CDH18: variants seen among roughly 807,000 people sequenced by gnomAD.
CDH18 encodes cadherin-18.
A neutral mutation model predicts 67.9 loss-of-function variants in CDH18; 31 were observed. The ratio of observed to expected loss-of-function variants is 0.46; its 90% confidence interval spans 0.34 to 0.62. The LOEUF (loss-of-function observed/expected upper bound fraction) is 0.62, where lower values mean the gene tolerates loss of function less well. CDH18 is among the 20% of genes least tolerant of loss of function. The probability of loss-of-function intolerance (pLI) is 0.01; values close to 1 mark genes in which losing one functional copy is unlikely to be tolerated. For synonymous variants in CDH18, 362 were observed against 347.2 expected, an observed-to-expected ratio of 1.04 and a Z score of -0.48; for missense variants, 890 against 975.5, an observed-to-expected ratio of 0.91 and a Z score of 1.17.
chr5:20,355,697 G>A (rs1231105008), intron 1 of CDH18, among the ~76,000 whole-genome samples: 1 of 152,116 alleles, frequency 6.6e-6, no homozygotes, highest in Non-Finnish European at 1.5e-5. Context: ...ATATATTAAG[G>A]TAAGGTAAAA....
chr5:20,534,808 GTTAGT>G (rs1308236515), intron 1 of CDH18, among the ~76,000 whole-genome samples: 1 of 147,668 alleles, frequency 6.8e-6, no homozygotes, highest in Non-Finnish European at 1.5e-5. Flanking sequence ...TCTGAACTCT[GTTAGT>G]TTATTCTAAA....
intron 11 of CDH18, among the ~76,000 whole-genome samples, chr5:19,483,915 C>T (rs1739927639): frequency 6.6e-6 from 1 of 152,182 alleles, no homozygotes; most frequent in Non-Finnish European, 1.5e-5. Flanking sequence ...GAGATTTTCT[C>T]CAAACCTAGA....
chr5:20,360,396 TC>T (rs1475374759), intron 1 of CDH18, among the ~76,000 whole-genome samples: 1 of 152,156 alleles, frequency 6.6e-6, no homozygotes, highest in East Asian at 1.9e-4. Flanking sequence ...TAACTGGGAA[TC>T]CTGCCCTAAG....
intron 2 of CDH18, among the ~76,000 whole-genome samples, chr5:19,855,305 G>A (rs1020479630): frequency 6.6e-5 from 10 of 151,962 alleles, no homozygotes; most frequent in Admixed American, 6.6e-5. Flanking sequence ...AGACTGCAAG[G>A]CCCATCTAGT....
At chr5:19,812,401 A>G (rs186454322) in intron 3 of CDH18, among the ~76,000 whole-genome samples, 1 of 152,306 alleles carries the variant, frequency 6.6e-6, no homozygotes, top group Non-Finnish European at 1.5e-5. Flanking sequence ...TGTAGAACGT[A>G]GAAAACAAAA....
intron 1 of CDH18, among the ~76,000 whole-genome samples, chr5:20,551,114 G>C (rs1358547210): frequency 6.6e-6 from 1 of 152,048 alleles, no homozygotes; most frequent in African/African-American, 2.4e-5. Flanking sequence ...ATAAATAGAT[G>C]AACGAAGGAA....
chr5:19,995,309 C>T (rs1180534418), intron 2 of CDH18, among the ~76,000 whole-genome samples: 1 of 152,042 alleles, frequency 6.6e-6, no homozygotes, highest in African/African-American at 2.4e-5. Flanking sequence ...AGAAAACTAT[C>T]AGGCATATAG....
At chr5:20,053,270 G>T (rs962414912) in intron 2 of CDH18, among the ~76,000 whole-genome samples, 4 of 150,486 alleles carry the variant, frequency 2.7e-5, no homozygotes, top group African/African-American at 9.8e-5. Context: ...TATACATATA[G>T]TATAGATATA....
At chr5:19,541,703 T>C (rs144151007) in intron 9 of CDH18, among the ~76,000 whole-genome samples, 6,987 of 152,218 alleles carry the variant, frequency 0.046, 191 homozygotes, top group East Asian at 0.06. Context: ...ACTTATTCAC[T>C]ATCATGAGAA....
intron 1 of CDH18, among the ~76,000 whole-genome samples, chr5:20,503,687 T>C (rs1234410088): frequency 6.6e-6 from 1 of 152,156 alleles, no homozygotes; most frequent in Non-Finnish European, 1.5e-5. Flanking sequence ...TTACCTTTCA[T>C]ATGGAAAAGA....
intron 1 of CDH18, among the ~76,000 whole-genome samples, chr5:20,483,727 T>G (rs972200990): frequency 6.6e-6 from 1 of 151,014 alleles, no homozygotes; most frequent in Non-Finnish European, 1.5e-5. Flanking sequence ...GATATCCACA[T>G]GCAGAAAAAT....
At chr5:20,101,900 C>T (rs1316765524) in intron 2 of CDH18, among the ~76,000 whole-genome samples, 4 of 152,004 alleles carry the variant, frequency 2.6e-5, no homozygotes, top group Non-Finnish European at 5.9e-5. Context: ...GGTGAAACCC[C>T]GTCTCTACTA....
At chr5:20,111,443 G>A (rs1050041738) in intron 2 of CDH18, among the ~76,000 whole-genome samples, 53 of 151,786 alleles carry the variant, frequency 3.5e-4, no homozygotes, top group African/African-American at 1.2e-3. Context: ...TGCAGTTAGG[G>A]TGGGACCATG....
At chr5:20,318,498 T>C (rs1737673799) in intron 1 of CDH18, among the ~76,000 whole-genome samples, 1 of 152,124 alleles carries the variant, frequency 6.6e-6, no homozygotes, top group Admixed American at 6.5e-5. Context: ...GGGGCTCTCA[T>C]GAATGGTTTA....
At position 20,179,110 on chromosome 5, in the gene CDH18, G is replaced by A. The variant is rs528135324; in HGVS notation, c.-518+76334C>T. On this transcript the variant is annotated intron_variant, in intron 2 of 14. Coordinates refer to the CDH18 transcript ENST00000507958. ...GTGAAGAGGTAAATAATTTATGTAC[G>A]TTAGAGGAAAGTGAATTTTTAATTA... 6.7e-4 allele frequency among the ~76,000 whole-genome samples: 102 copies of A among 152,198 alleles called. 1 individual carries two copies. Among genetic ancestry groups the A allele is most frequent in the Non-Finnish European group, 1.2e-3 (84 of 68,014 alleles).
At position 20,087,068 on chromosome 5, in the gene CDH18, A is replaced by T. The variant is rs545178986; in HGVS notation, c.-517-95054T>A. Among the ~76,000 whole-genome samples the T allele has an allele frequency of 1.1e-4, 17 of 152,330 alleles. No homozygotes were observed. The East Asian group carries it at 3.1e-3, about 28-fold the overall frequency. On this transcript the variant is annotated intron_variant, in intron 2 of 14. Coordinates refer to the CDH18 transcript ENST00000507958. The stretch of plus-strand genomic sequence containing the variant: ...ATATTCATAATTAATAGACATCAAA[A>T]TATTAACATTAATAGTTGTTTAAAA...
At chr5:20,033,204 TAA>T (rs200455368) in intron 2 of CDH18, among the ~76,000 whole-genome samples, 1 of 147,046 alleles carries the variant, frequency 6.8e-6, no homozygotes, top group African/African-American at 2.5e-5. Context: ...TCTTCCTTTT[TAA>T]AAAAAAAAAA....
intron 7 of CDH18, among the ~76,000 whole-genome samples, chr5:19,576,462 C>G (rs1045248770): frequency 2.0e-5 from 3 of 151,420 alleles, no homozygotes; most frequent in African/African-American, 7.3e-5. Flanking sequence ...CAAAAAATGA[C>G]ATACAACTGA....
chr5:20,196,283 T>A (rs1738971012), intron 2 of CDH18, among the ~76,000 whole-genome samples: 1 of 152,186 alleles, frequency 6.6e-6, no homozygotes. Context: ...ATATTCTGAC[T>A]ATTTTAAATA....
Sources: allele counts gnomAD v4.1 joint callset (sites outside exome capture counted in the v4.1 genomes callset), GRCh38; gene constraint gnomAD v4.1.1; transcripts MANE v1.5; gene names NCBI Gene and HGNC (gene_info 2026-07-23, HGNC 2026-07-21).